TECRL: variants seen among roughly 807,000 people sequenced by gnomAD.
The protein encoded by TECRL is trans-2,3-enoyl-CoA reductase-like.
A neutral mutation model predicts 52.8 loss-of-function variants in TECRL; 63 were observed. The ratio of observed to expected loss-of-function variants is 1.19; its 90% CI spans 0.97 to 1.47. The LOEUF (loss-of-function observed/expected upper bound fraction) is 1.47. TECRL is among the 40% of genes most tolerant of loss of function. The probability of loss-of-function intolerance (pLI) is 0.00; values close to 1 mark genes in which losing one functional copy is unlikely to be tolerated. For missense variants in TECRL, 482 were observed against 429.6 expected (o/e 1.12, Z -1.08); for synonymous variants, 164 against 141.9 (o/e 1.16, Z -1.10).
intron 2 of TECRL, among the ~76,000 whole-genome samples, chr4:64,345,928 A>AAAAAAAAAAAAAC (rs1719941786): frequency 6.8e-6 from 1 of 147,286 alleles, no homozygotes; most frequent in Non-Finnish European, 1.5e-5. Context: ...AAAAAAAAAA[A>AAAAAAAAAAAAAC]AAACATTTAT....
intron 2 of TECRL, among the ~76,000 whole-genome samples, chr4:64,340,109 CA>C (rs1357465406): frequency 6.6e-6 from 1 of 152,162 alleles, no homozygotes; most frequent in Non-Finnish European, 1.5e-5. Context: ...AGGCTGTTGC[CA>C]TCATGCCAGC....
chr4:64,310,903 T>C (rs1219243457), intron 5 of TECRL, among the ~76,000 whole-genome samples: 1 of 152,116 alleles, frequency 6.6e-6, no homozygotes, highest in African/African-American at 2.4e-5. Flanking sequence ...GTATTTTTTG[T>C]AGAAATGGGT....
At chr4:64,276,791 T>C (rs562124189), downstream of TECRL, 7 of 307,434 alleles carry the variant, frequency 2.3e-5, no homozygotes, top group Non-Finnish European at 3.5e-5. Flanking sequence ...AAACTTATTA[T>C]TTACATAAAT....
At chr4:64,324,147 A>G (rs530948591) in intron 3 of TECRL, among the ~76,000 whole-genome samples, 2 of 152,230 alleles carry the variant, frequency 1.3e-5, no homozygotes, top group Admixed American at 6.5e-5. Context: ...AATAAACATA[A>G]TTGACTCCAT....
chr4:64,357,079 A>T (rs1230869101), intron 2 of TECRL, among the ~76,000 whole-genome samples: 1 of 152,190 alleles, frequency 6.6e-6, no homozygotes, highest in African/African-American at 2.4e-5. Context: ...TGAGACCTAT[A>T]TATTAAAATG....
At chr4:64,339,996 C>T (rs879378662) in intron 2 of TECRL, among the ~76,000 whole-genome samples, 4 of 152,114 alleles carry the variant, frequency 2.6e-5, no homozygotes, top group East Asian at 1.9e-4. Flanking sequence ...TATGAGCAAC[C>T]GTAAACCTCG....
chr4:64,366,145 C>T (rs190331205), intron 2 of TECRL, among the ~76,000 whole-genome samples: 1 of 152,134 alleles, frequency 6.6e-6, no homozygotes, highest in Admixed American at 6.6e-5. Flanking sequence ...AAGGACTCCC[C>T]ATTCAATAAA....
intron 8 of TECRL, among the ~76,000 whole-genome samples, chr4:64,294,144 G>C (rs1258578452): frequency 6.6e-6 from 1 of 151,480 alleles, no homozygotes; most frequent in Non-Finnish European, 1.5e-5. Context: ...ATGCCACCAC[G>C]CCCAGCTAAT....
At chr4:64,285,566 T>C (rs1487514180) in intron 9 of TECRL, among the ~76,000 whole-genome samples, 3 of 152,094 alleles carry the variant, frequency 2.0e-5, no homozygotes, top group Non-Finnish European at 4.4e-5. Flanking sequence ...AATTCAAGAC[T>C]AGGAGACACC....
intron 2 of TECRL, among the ~76,000 whole-genome samples, chr4:64,372,126 G>A (rs938229285): frequency 9.9e-5 from 15 of 151,838 alleles, no homozygotes; most frequent in Admixed American, 2.6e-4. Flanking sequence ...AACATGAATA[G>A]AGCATGATAT....
chr4:64,356,646 T>C (rs1264979393), intron 2 of TECRL, among the ~76,000 whole-genome samples: 3 of 152,192 alleles, frequency 2.0e-5, no homozygotes, highest in Non-Finnish European at 4.4e-5. Flanking sequence ...ATTATCACCC[T>C]GCTCTCCTAC....
At chr4:64,346,025 A>G (rs1029964464) in intron 2 of TECRL, among the ~76,000 whole-genome samples, 3 of 151,876 alleles carry the variant, frequency 2.0e-5, no homozygotes, top group Non-Finnish European at 4.4e-5. Flanking sequence ...GAATATAAAC[A>G]CAACACACAC....
At chr4:64,277,168 A>G, downstream of TECRL, 1 of 640,196 alleles carries the variant, frequency 1.6e-6, no homozygotes, top group East Asian at 2.8e-5. Flanking sequence ...AGTATGATGG[A>G]GCAACTGGCA....
intron 2 of TECRL, among the ~76,000 whole-genome samples, chr4:64,349,242 C>T (rs4860592): frequency 0.67 from 101,305 of 150,502 alleles, 35,354 homozygotes; most frequent in Non-Finnish European, 0.76. Flanking sequence ...AAGCAATTCT[C>T]CTGCCTCAAC....
At chr4:64,371,772 C>G (rs569791344) in intron 2 of TECRL, among the ~76,000 whole-genome samples, 14 of 151,654 alleles carry the variant, frequency 9.2e-5, no homozygotes, top group Non-Finnish European at 1.9e-4. Flanking sequence ...ACATCTATAT[C>G]TAGATAAGAT....
Position 64,361,921 on chromosome 4 carries a change from G to C in TECRL, c.286+13251C>G, listed in dbSNP as rs150768997. Among the ~76,000 whole-genome samples the C allele has an allele frequency of 1.6e-3, 238 of 152,228 alleles. 1 individual carries two copies. The highest frequency in any genetic ancestry group is 5.4e-3 in the African/African-American group (223 of 41,558). On this transcript the variant is annotated intron_variant, in intron 2 of 11. Coordinates refer to ENST00000381210, the MANE Select transcript of TECRL (RefSeq NM_001010874.5). The stretch of plus-strand genomic sequence containing the variant: ...TCTGGATAGAAAGGAGGCTCATCAA[G>C]ATACAGCAGAAGGTTAAAATCCAAT...
At chr4:64,300,930 T>A (rs1723983931) in intron 7 of TECRL, among the ~76,000 whole-genome samples, 2 of 151,006 alleles carry the variant, frequency 1.3e-5, no homozygotes, top group East Asian at 3.9e-4. Context: ...TTATGTGTGA[T>A]AAATAATACT....
intron 1 of TECRL, among the ~76,000 whole-genome samples, chr4:64,385,806 C>A (rs888733693): frequency 1.6e-4 from 24 of 152,098 alleles, no homozygotes; most frequent in African/African-American, 5.8e-4. Context: ...AGTCTTGGGG[C>A]CCATGAGGGC....
intron 2 of TECRL, among the ~76,000 whole-genome samples, chr4:64,331,564 TG>T: frequency 6.6e-6 from 1 of 152,058 alleles, no homozygotes; most frequent in East Asian, 1.9e-4. Flanking sequence ...ATCACAAATA[TG>T]GAATCTCATA....
Sources: allele counts gnomAD v4.1 joint callset (sites outside exome capture counted in the v4.1 genomes callset), GRCh38; gene constraint gnomAD v4.1.1; transcripts MANE v1.5; gene names NCBI Gene and HGNC (gene_info 2026-07-23, HGNC 2026-07-21).